The following ALK variants were observed in gnomAD, a reference collection of about 807,000 sequenced individuals.
ALK encodes the protein ALK tyrosine kinase receptor.
Under a neutral mutation model 163.1 loss-of-function variants are expected in ALK, and 74 were observed. The observed-to-expected ratio is 0.45, with a 90% CI of 0.38 to 0.55. ALK has a LOEUF of 0.55. Among genes scored for constraint, ALK ranks in the 20% least tolerant of loss-of-function variants. The pLI is 0.00. For missense variants in ALK, 2,063 were observed against 2,105.3 expected (o/e 0.98, Z 0.39); for synonymous variants, 960 against 843.2 (o/e 1.14, Z -2.40).
chr2:29,684,827 A>C (rs1300630673), intron 3 of ALK, among the ~76,000 whole-genome samples: 1 of 152,222 alleles, frequency 6.6e-6, no homozygotes, highest in Non-Finnish European at 1.5e-5. Context: ...CTGGGTGTTC[A>C]AAAACTGGAA....
chr2:29,705,479 C>G (rs1187421483), intron 2 of ALK, among the ~76,000 whole-genome samples: 1 of 151,322 alleles, frequency 6.6e-6, no homozygotes, highest in Non-Finnish European at 1.5e-5. Context: ...CTTGGAGGAC[C>G]CAGGGAGAAG....
At chr2:29,609,757 C>T (rs1465256126) in intron 3 of ALK, among the ~76,000 whole-genome samples, 1 of 152,088 alleles carries the variant, frequency 6.6e-6, no homozygotes, top group Non-Finnish European at 1.5e-5. Flanking sequence ...AATTCTCCCA[C>T]CTCAGCCTCC....
chr2:29,656,565 C>T (rs934865959), intron 3 of ALK, among the ~76,000 whole-genome samples: 11 of 152,172 alleles, frequency 7.2e-5, no homozygotes, highest in African/African-American at 2.7e-4. Context: ...ATGTGACATA[C>T]ATGTATTAGT....
At chr2:29,545,912 AG>A (rs1673540037) in intron 3 of ALK, among the ~76,000 whole-genome samples, 1 of 152,202 alleles carries the variant, frequency 6.6e-6, no homozygotes, top group African/African-American at 2.4e-5. Flanking sequence ...TTGCACAATT[AG>A]GAGCCTCTGC....
chr2:29,207,912 G>T (rs1400325798), intron 25 of ALK: 3 of 366,646 alleles, frequency 8.2e-6, no homozygotes, highest in Non-Finnish European at 1.7e-5. Flanking sequence ...TCATCTGCCT[G>T]TTAGGCCAAT....
At chr2:29,416,281 T>G (rs900911937) in intron 4 of ALK, among the ~76,000 whole-genome samples, 1 of 152,228 alleles carries the variant, frequency 6.6e-6, no homozygotes, top group Non-Finnish European at 1.5e-5. Flanking sequence ...GCAAGGTCTA[T>G]GAATACTTGT....
chr2:29,417,190 A>G (rs1669903787), intron 4 of ALK, among the ~76,000 whole-genome samples: 1 of 151,808 alleles, frequency 6.6e-6, no homozygotes, highest in Admixed American at 6.6e-5. Context: ...GGATTTCACC[A>G]TGTTAGCCAG....
chr2:29,592,359 C>T (rs1057300881), intron 3 of ALK, among the ~76,000 whole-genome samples: 2 of 152,182 alleles, frequency 1.3e-5, no homozygotes, highest in African/African-American at 4.8e-5. Flanking sequence ...TCTCTCAGAT[C>T]AGGCCTGAGC....
chr2:29,756,631 A>G (rs951547045), intron 1 of ALK, among the ~76,000 whole-genome samples: 2 of 151,432 alleles, frequency 1.3e-5, no homozygotes, highest in Non-Finnish European at 2.9e-5. Context: ...CTCCCGGCAG[A>G]TTCTCCTGCC....
intron 3 of ALK, among the ~76,000 whole-genome samples, chr2:29,627,128 T>A (rs1175514769): frequency 6.6e-6 from 1 of 152,160 alleles, no homozygotes; most frequent in African/African-American, 2.4e-5. Context: ...GGCTGACGGA[T>A]GCAAAGAGGC....
intron 23 of ALK, 133 bp from the exon 24 acceptor site, chr2:29,214,214 GC>G: frequency 5.3e-6 from 4 of 756,782 alleles, no homozygotes; most frequent in Non-Finnish European, 9.1e-6. Context: ...CTCGGCCCTG[GC>G]TGCACATTAG....
chr2:29,771,697 G>A (rs905305220), intron 1 of ALK, among the ~76,000 whole-genome samples: 1 of 152,170 alleles, frequency 6.6e-6, no homozygotes, highest in Admixed American at 6.5e-5. Flanking sequence ...ACCATGCCCC[G>A]CTAATTTTTT....
chr2:29,907,537 A>G (rs927689984), intron 1 of ALK, among the ~76,000 whole-genome samples: 3 of 152,200 alleles, frequency 2.0e-5, no homozygotes, highest in African/African-American at 7.2e-5. Flanking sequence ...CTGAGCTTCT[A>G]TAACACCACA....
chr2:29,272,451 G>A (rs1665417984), intron 11 of ALK, among the ~76,000 whole-genome samples: 1 of 152,216 alleles, frequency 6.6e-6, no homozygotes, highest in African/African-American at 2.4e-5. Context: ...CCATGGGCCT[G>A]GAGGTGAAGA....
intron 3 of ALK, among the ~76,000 whole-genome samples, chr2:29,568,312 A>G (rs980898018): frequency 2.6e-5 from 4 of 152,258 alleles, no homozygotes; most frequent in African/African-American, 9.6e-5. Flanking sequence ...TCTCTCTCAC[A>G]GTTGATTGAA....
chr2:29,433,717 T>TAA (rs539279751), intron 4 of ALK, among the ~76,000 whole-genome samples: 7 of 144,498 alleles, frequency 4.8e-5, no homozygotes, highest in Non-Finnish European at 9.1e-5. Context: ...TTTGTCAACT[T>TAA]AAAAAAAAAA....
chr2:29,567,686 C>A (rs1385545169), intron 3 of ALK, among the ~76,000 whole-genome samples: 1 of 152,080 alleles, frequency 6.6e-6, no homozygotes, highest in African/African-American at 2.4e-5. Context: ...TGCGTCTGGC[C>A]ACGTTTCCAC....
At chr2:29,498,126 A>C (rs1672078154) in intron 4 of ALK, among the ~76,000 whole-genome samples, 1 of 152,196 alleles carries the variant, frequency 6.6e-6, no homozygotes, top group Non-Finnish European at 1.5e-5. Flanking sequence ...TATGAGTCTC[A>C]GTATTTATTC....
chr2:29,869,495 T>C lies in ALK; in HGVS notation c.667+50498A>G, dbSNP rs549483168. Among the ~76,000 whole-genome samples the C allele has an allele frequency of 1.2e-3, 183 of 152,222 alleles. 1 individual carries two copies. Among genetic ancestry groups the C allele is most frequent in the African/African-American group, 4.3e-3 (179 of 41,546 alleles). ...ACCTTAATAGAAGTTAAAGGAAGCA[T>C]CACAAATCAGTAAGGAAGGAACGAA... On this transcript the variant is annotated intron_variant, in intron 1 of 28. Transcript: ENST00000389048.
Sources: gnomAD v4.1 joint callset for allele counts (sites outside exome capture counted in the v4.1 genomes callset) on GRCh38, gnomAD v4.1.1 for gene constraint, MANE v1.5 for transcripts, NCBI Gene and HGNC (gene_info 2026-07-23, HGNC 2026-07-21) for gene names.